The following TMC5 variants were observed in gnomAD, a reference collection of about 807,000 sequenced individuals.
TMC5 encodes transmembrane channel-like protein 5.
In TMC5, 86 loss-of-function variants were observed where a neutral mutation model predicts 110.5. That is an observed-to-expected ratio of 0.78 (90% CI 0.65 to 0.93). The LOEUF is 0.93. Among genes scored for constraint, TMC5 ranks in the 40% least tolerant of loss-of-function variants. The pLI is 0.00. For missense variants in TMC5, 1,144 were observed against 1,222.8 expected (o/e 0.94, Z 0.96); for synonymous variants, 455 against 439.5 (o/e 1.04, Z -0.44).
chr16:19,419,832 A>T (rs180942339), intron 1 of TMC5, among the ~76,000 whole-genome samples: 1 of 152,266 alleles, frequency 6.6e-6, no homozygotes, highest in African/African-American at 2.4e-5. Flanking sequence ...AACGCAATGA[A>T]TCATATTTGC....
At chr16:19,432,348 T>C (rs142584701) in intron 2 of TMC5, among the ~76,000 whole-genome samples, 5 of 152,242 alleles carry the variant, frequency 3.3e-5, no homozygotes, top group African/African-American at 1.2e-4. Context: ...AAATGGGATA[T>C]GGAAAGGAGG....
chr16:19,468,855 G>A (rs60833668), intron 9 of TMC5, among the ~76,000 whole-genome samples: 77,404 of 152,052 alleles, frequency 0.51, 23,016 homozygotes, highest in Non-Finnish European at 0.66. Flanking sequence ...AGCTGGGTGT[G>A]GTGGCATGTG....
intron 1 of TMC5, among the ~76,000 whole-genome samples, chr16:19,429,023 G>T (rs1399726851): frequency 3.3e-5 from 5 of 151,936 alleles, no homozygotes; most frequent in Admixed American, 3.3e-4. Flanking sequence ...ATGGGTTTTC[G>T]CCATGTTAGT....
chr16:19,439,864 G>A (rs754900849), intron 2 of TMC5, 96 bp from the exon 3 acceptor site: 7 of 600,598 alleles, frequency 1.2e-5, no homozygotes, highest in East Asian at 2.8e-5. Flanking sequence ...ACCTGACTAC[G>A]AACGAAAGGA....
chr16:19,448,042 G>C (rs1263570837), intron 4 of TMC5, among the ~76,000 whole-genome samples: 2 of 151,448 alleles, frequency 1.3e-5, no homozygotes, highest in African/African-American at 2.4e-5. Context: ...ATTTCTCCCA[G>C]CTAATTGGGA....
At chr16:19,446,797 CAAAA>C in intron 4 of TMC5, among the ~76,000 whole-genome samples, 1 of 151,990 alleles carries the variant, frequency 6.6e-6, no homozygotes, top group East Asian at 1.9e-4. Flanking sequence ...ACTTAAAAAA[CAAAA>C]AAAGCAGGTC....
upstream of TMC5, among the ~76,000 whole-genome samples, chr16:19,416,404 T>C (rs1204206644): frequency 6.6e-6 from 1 of 152,190 alleles, no homozygotes; most frequent in Non-Finnish European, 1.5e-5. Context: ...GAATATAAAA[T>C]CTCCTTCTCA....
chr16:19,419,688 A>G (rs539740484), intron 1 of TMC5, among the ~76,000 whole-genome samples: 1 of 152,218 alleles, frequency 6.6e-6, no homozygotes, highest in East Asian at 1.9e-4. Context: ...CTGGGATTAC[A>G]GGCGTGAGCC....
chr16:19,483,604 C>A (rs1968667389), intron 15 of TMC5, among the ~76,000 whole-genome samples: 1 of 151,344 alleles, frequency 6.6e-6, no homozygotes, highest in Non-Finnish European at 1.5e-5. Flanking sequence ...CATGGTGAAA[C>A]CCCATCTCTA....
Position 19,440,698 on chromosome 16 carries a change from T to G in TMC5, c.660T>G (p.Phe220Leu), listed in dbSNP as rs1322650058. ...TTCAACCTAACTCTCCACCCTTTTT[T>G]GGGGAGCCAGACTATCCCAGTGCTG... is the stretch of plus-strand genomic sequence containing the variant. ...ADIQPNSPPF[F>L]GEPDYPSAED... Residue 220 changes from phenylalanine (F) to leucine (L), a missense_variant, in exon 3 of 22, where the codon TTT becomes TTG. Physicochemically the swap from Phe to Leu is conservative, Grantham distance 22. Transcript: ENST00000542583. 6 of 1,614,154 alleles carry G rather than the reference T, an allele frequency of 3.7e-6. No individual in the cohort carries two copies. The Admixed American group carries it at 8.3e-5, about 22-fold the overall frequency.
intron 9 of TMC5, among the ~76,000 whole-genome samples, chr16:19,467,585 G>C (rs1968222137): frequency 1.3e-5 from 2 of 152,084 alleles, no homozygotes; most frequent in South Asian, 2.1e-4. Context: ...AGGTTCAAGG[G>C]ATTCTCCTGC....
chr16:19,418,604 TA>T (rs754665459), intron 1 of TMC5, among the ~76,000 whole-genome samples: 6 of 151,484 alleles, frequency 4.0e-5, no homozygotes, highest in Admixed American at 2.6e-4. Context: ...TTCTGAGATT[TA>T]AAAAAAAATC....
At chr16:19,489,455 C>A (rs1275302970) in intron 17 of TMC5, among the ~76,000 whole-genome samples, 1 of 152,166 alleles carries the variant, frequency 6.6e-6, no homozygotes, top group African/African-American at 2.4e-5. Context: ...CTGCCTCAGC[C>A]TCCTGAGTAG....
intron 10 of TMC5, 82 bp downstream of exon 10, chr16:19,469,907 T>G: frequency 6.7e-7 from 1 of 1,499,938 alleles, no homozygotes; most frequent in South Asian, 1.2e-5. Context: ...TCTTTTTTTT[T>G]TTTTTGAATT....
At chr16:19,417,355 G>A (rs1040935069), upstream of TMC5, among the ~76,000 whole-genome samples, 4 of 150,248 alleles carry the variant, frequency 2.7e-5, no homozygotes, top group Non-Finnish European at 5.9e-5. Flanking sequence ...GGAGGCGGAG[G>A]TTGCAGTGAG....
At chr16:19,418,733 T>G (rs1033616943) in intron 1 of TMC5, among the ~76,000 whole-genome samples, 36 of 150,006 alleles carry the variant, frequency 2.4e-4, no homozygotes, top group East Asian at 5.8e-4. Flanking sequence ...TTGTGTTTTT[T>G]TTTTTTTTTT....
chr16:19,474,238 C>T lies in TMC5; in HGVS notation c.2052C>T (p.Tyr684=), dbSNP rs148418720. The change falls in exon 12 of 22, where the codon TAC becomes TAT. Residue 684 remains tyrosine (Y), a synonymous_variant. Coordinates refer to ENST00000542583, the MANE Select transcript of TMC5 (RefSeq NM_001261841.2). ...CCATGTTCAGGCTTGTGGAGAGGTA[C>T]GAGATGCCACGGCACGAAGTCTACG... ...IYSMFRLVER[Y]EMPRHEVYVL... is the part of the protein sequence containing the mutation. 3.0e-5 allele frequency: 48 copies of T among 1,613,884 alleles called. No homozygotes were observed. In the African/African-American group the frequency reaches 3.7e-4, roughly 13 times the overall value.
chr16:19,419,553 C>T (rs1567294588), intron 1 of TMC5, among the ~76,000 whole-genome samples: 2 of 151,778 alleles, frequency 1.3e-5, no homozygotes, highest in South Asian at 4.2e-4. Flanking sequence ...GCTGGGACTA[C>T]GGGCGCCTGC....
At chr16:19,449,712 G>C (rs1049794951) in intron 5 of TMC5, 81 bp downstream of exon 5, 3 of 1,264,396 alleles carry the variant, frequency 2.4e-6, no homozygotes. Flanking sequence ...GGAGAGACCT[G>C]GTGGGAGGTG....
Sources: gnomAD v4.1 joint callset for allele counts (sites outside exome capture counted in the v4.1 genomes callset) on GRCh38, gnomAD v4.1.1 for gene constraint, MANE v1.5 for transcripts, NCBI Gene and HGNC (gene_info 2026-07-23, HGNC 2026-07-21) for gene names.